The following RPS3 variants were observed in gnomAD, a reference collection of about 807,000 sequenced individuals.
RPS3 encodes the protein small ribosomal subunit protein uS3.
RPS3 carries 2 observed loss-of-function variants against 25.8 expected under a neutral mutation model. The ratio of observed to expected loss-of-function variants is 0.08; its 90% CI spans 0.03 to 0.24. The LOEUF is 0.24. RPS3 is among the 10% of genes least tolerant of loss of function. RPS3 has a pLI of 1.00. For missense variants in RPS3, 107 were observed against 307.1 expected (o/e 0.35, Z 4.87); for synonymous variants, 114 against 114.2 (o/e 1.00, Z 0.01).
chr11:75,418,666 C>T (rs567690623), intron 6 of RPS3, among the ~76,000 whole-genome samples: 3 of 152,274 alleles, frequency 2.0e-5, no homozygotes, highest in Admixed American at 6.5e-5. Flanking sequence ...TTTGAGAACA[C>T]GTAACGTGAG....
chr11:75,401,991 C>T (rs1043537526), intron 3 of RPS3: 3 of 547,728 alleles, frequency 5.5e-6, no homozygotes, highest in African/African-American at 3.8e-5. Context: ...CTTGGCATGG[C>T]CAAAGGAGCC....
chr11:75,412,721 TA>T (rs1948368194), intron 6 of RPS3, among the ~76,000 whole-genome samples: 1 of 152,230 alleles, frequency 6.6e-6, no homozygotes, highest in African/African-American at 2.4e-5. Context: ...GCTTCAGATA[TA>T]AAATCTGATT....
intron 6 of RPS3, 41 bp from the exon 7 acceptor site, chr11:75,405,571 ACT>A (rs1324844109): frequency 2.2e-6 from 1 of 452,206 alleles, no homozygotes; most frequent in African/African-American, 2.0e-5. Flanking sequence ...GAACTTAATA[ACT>A]CTGGTAAAGT....
intron 1 of RPS3, among the ~76,000 whole-genome samples, chr11:75,400,177 A>G (rs1392610736): frequency 6.6e-6 from 1 of 152,274 alleles, no homozygotes; most frequent in East Asian, 1.9e-4. Flanking sequence ...CTCGAGAGTT[A>G]GGATTTGCCA....
In RPS3 at chr11:75,402,436, G is replaced by C. The variant is rs776751854; in HGVS notation, c.340G>C (p.Ala114Pro). ...GCGTTACAAACTCCTAGGAGGGCTTGCTGTGCGGAGGTAAGTGTCCTGAGA... is the reference window on the plus strand; with the variant it reads ...GCGTTACAAACTCCTAGGAGGGCTTCCTGTGCGGAGGTAAGTGTCCTGAGA... ...SLRYKLLGGL[A>P]VRRACYGVLR... is the part of the protein sequence containing the mutation. Residue 114 changes from alanine to proline, a missense_variant, in exon 4 of 7, where the codon GCT (alanine) becomes CCT (proline). Physicochemically the swap from Ala to Pro is conservative, Grantham distance 27 (BLOSUM62 -1). Coordinates refer to ENST00000531188, the MANE Select transcript of RPS3 (RefSeq NM_001005.5). 6.2e-7 allele frequency: 1 copy of C among 1,609,680 alleles called. No individual in the cohort carries two copies. The highest frequency in any genetic ancestry group is 1.1e-5 in the South Asian group (1 of 90,958).
downstream of RPS3, among the ~76,000 whole-genome samples, chr11:75,409,889 C>T (rs1378781768): frequency 6.9e-6 from 1 of 145,662 alleles, no homozygotes; most frequent in Admixed American, 6.7e-5. Context: ...TAGGGGCGGC[C>T]GGGCAGAGGC....
chr11:75,418,213 G>T (rs928099596), intron 6 of RPS3, among the ~76,000 whole-genome samples: 8 of 152,234 alleles, frequency 5.3e-5, no homozygotes, highest in Non-Finnish European at 1.2e-4. Flanking sequence ...TTCTCTGGGT[G>T]GGGGGCCATG....
intron 6 of RPS3, among the ~76,000 whole-genome samples, chr11:75,413,878 G>C (rs527596735): frequency 6.6e-6 from 1 of 152,150 alleles, no homozygotes; most frequent in Non-Finnish European, 1.5e-5. Flanking sequence ...AGGATCTCAG[G>C]TAACTCAGAA....
chr11:75,399,888 T>G, intron 1 of RPS3: 1 of 497,796 alleles, frequency 2.0e-6, no homozygotes, highest in Non-Finnish European at 3.6e-6. Flanking sequence ...GCGTGTGTCA[T>G]TTCCCTCATG....
chr11:75,404,164 C>G lies in RPS3; in HGVS notation c.495C>G (p.Asn165Lys), dbSNP rs752738974. Reference protein sequence around the residue: ...GLMIHSGDPVNYYVDTAVRHV... With the variant: ...GLMIHSGDPVKYYVDTAVRHV... ...TGATCCACAGCGGAGACCCTGTTAA[C>G]TACTACGTTGACACTGCTGTGCGCC... Residue 165 changes from asparagine (N) to lysine (K), a missense_variant, in exon 5 of 7, where the codon AAC becomes AAG. Coordinates refer to ENST00000531188, the MANE Select transcript of RPS3 (RefSeq NM_001005.5). The surrounding 1 kb of genome is among the most constrained non-coding windows in gnomAD (Gnocchi z 4.6). 6.2e-7 allele frequency: 1 copy of G among 1,614,192 alleles called. No homozygotes were observed. The highest frequency in any genetic ancestry group is 2.2e-5 in the East Asian group (1 of 44,892).
In RPS3 at chr11:75,404,860, G is replaced by A. The variant is rs779421649; in HGVS notation, c.727G>A (p.Ala243Thr). Residue 243 changes from alanine (A) to threonine (T), a missense_variant, in exon 6 of 7, where the codon GCA becomes ACA. Ala to Thr is a moderately conservative substitution (Grantham distance 58). This residue lies in a region of RPS3 where 81 missense variants were observed against 286.8 expected (regional missense o/e 0.28). Coordinates refer to ENST00000531188, the MANE Select transcript of RPS3 (RefSeq NM_001005.5). This position sits in a 1 kb window ranked among gnomAD's most constrained non-coding sequence, Gnocchi z 4.6. ...PPAMPQPVPT[A>T] ...TGCCATGCCCCAGCCAGTCCCCACA[G>A]CATAACAGGTATGTCTGCAAGGGCA... is the stretch of plus-strand genomic sequence containing the variant. The A allele has an allele frequency of 6.2e-7, 1 of 1,605,668 alleles. No individual in the cohort carries two copies. The highest frequency in any genetic ancestry group is 1.3e-5 in the African/African-American group (1 of 74,772).
At chr11:75,407,252 C>T (rs1372275392), downstream of RPS3, among the ~76,000 whole-genome samples, 2 of 152,166 alleles carry the variant, frequency 1.3e-5, no homozygotes, top group African/African-American at 4.8e-5. Context: ...CATTCTCCAG[C>T]CTCAGCCTCC....
intron 6 of RPS3, among the ~76,000 whole-genome samples, chr11:75,415,800 C>T (rs1351607513): frequency 9.8e-6 from 1 of 102,388 alleles, no homozygotes; most frequent in Non-Finnish European, 2.0e-5. Flanking sequence ...AGCGAGACTC[C>T]ATCTCAAAAA....
At chr11:75,399,889 T>G in intron 1 of RPS3, 1 of 493,090 alleles carries the variant, frequency 2.0e-6, no homozygotes. Flanking sequence ...CGTGTGTCAT[T>G]TCCCTCATGT....
intron 6 of RPS3, among the ~76,000 whole-genome samples, chr11:75,420,149 G>T (rs569720575): frequency 1.5e-4 from 23 of 152,288 alleles, no homozygotes; most frequent in African/African-American, 5.1e-4. Context: ...CTGCTAAGTG[G>T]TAGCAGGTCC....
intron 6 of RPS3, among the ~76,000 whole-genome samples, chr11:75,415,656 A>G (rs1948389387): frequency 6.6e-6 from 1 of 152,246 alleles, no homozygotes; most frequent in Admixed American, 6.5e-5. Context: ...AAATACAAAA[A>G]TTAGCTGGGC....
intron 2 of RPS3, among the ~76,000 whole-genome samples, chr11:75,401,312 C>T (rs1948206506): frequency 6.6e-6 from 1 of 152,050 alleles, no homozygotes; most frequent in Non-Finnish European, 1.5e-5. Context: ...TCAAGATCAG[C>T]CGGGGCAACA....
chr11:75,417,912 C>G (rs951513882), intron 6 of RPS3, among the ~76,000 whole-genome samples: 4 of 152,204 alleles, frequency 2.6e-5, no homozygotes, highest in Non-Finnish European at 5.9e-5. Context: ...CTATGGAGAT[C>G]AGCTTACTAC....
intron 2 of RPS3, 140 bp downstream of exon 2, chr11:75,400,964 G>A: frequency 8.0e-7 from 1 of 1,245,576 alleles, no homozygotes; most frequent in Non-Finnish European, 1.0e-6. Context: ...CTCACTGCAA[G>A]CTCCGCCTCC....
Sources: allele counts gnomAD v4.1 joint callset (sites outside exome capture counted in the v4.1 genomes callset), GRCh38; gene constraint gnomAD v4.1.1; regional missense constraint gnomAD v4.1.1; non-coding constraint Gnocchi (gnomAD v3.1); transcripts MANE v1.5; gene names NCBI Gene and HGNC (gene_info 2026-07-23, HGNC 2026-07-21).